Variants in ROBO2 observed in about 807,000 individuals in gnomAD.
ROBO2 encodes roundabout guidance receptor 2, also known as roundabout homolog 2.
Under a neutral mutation model 160.8 loss-of-function variants are expected in ROBO2, and 53 were observed. That is an observed-to-expected ratio of 0.33 (90% confidence interval 0.26 to 0.41). ROBO2 has a LOEUF of 0.41. Among genes scored for constraint, ROBO2 ranks in the 10% least tolerant of loss-of-function variants. The pLI is 1.00. For missense variants in ROBO2, 1,577 were observed against 1,722.4 expected (o/e 0.92, Z 1.49); for synonymous variants, 664 against 611.7 (o/e 1.09, Z -1.26).
At chr3:77,586,579 T>C (rs552138135) in intron 16 of ROBO2, among the ~76,000 whole-genome samples, 248 of 152,160 alleles carry the variant, frequency 1.6e-3, no homozygotes, top group Non-Finnish European at 2.9e-3. Context: ...ACTGACAACA[T>C]TGTTTCAAAA....
intron 2 of ROBO2, among the ~76,000 whole-genome samples, chr3:77,023,606 A>G (rs2062774619): frequency 6.6e-6 from 1 of 152,212 alleles, no homozygotes; most frequent in Non-Finnish European, 1.5e-5. Flanking sequence ...ATATTTTAGT[A>G]CTTTTAGAGT....
In ROBO2 at chr3:76,393,652, G is replaced by A. The variant is rs551451598; in HGVS notation, c.109+456050G>A. 3.9e-5 allele frequency among the ~76,000 whole-genome samples: 6 copies of A among 152,294 alleles called. No individual in the cohort carries two copies. The South Asian group carries it at 1.2e-3, about 32-fold the overall frequency. On this transcript the variant is annotated intron_variant, in intron 2 of 26. Transcript: ENST00000487694. ...AGGAAGGGACACAATAGTTGAACTT[G>A]ATAAGAGAAATGTGAAGGAAAAATT...
chr3:76,701,956 G>A (rs1472846169), intron 2 of ROBO2, among the ~76,000 whole-genome samples: 1 of 151,762 alleles, frequency 6.6e-6, no homozygotes, highest in East Asian at 1.9e-4. Flanking sequence ...AACAGGCTCA[G>A]AGTCATATGA....
At chr3:77,199,789 AT>A (rs903511776) in intron 2 of ROBO2, among the ~76,000 whole-genome samples, 46 of 119,572 alleles carry the variant, frequency 3.8e-4, no homozygotes, top group South Asian at 3.3e-3. Flanking sequence ...TACCTCGCTA[AT>A]TTTTTTTTTT....
At chr3:76,341,083 C>A (rs749620245) in intron 2 of ROBO2, among the ~76,000 whole-genome samples, 6 of 152,042 alleles carry the variant, frequency 3.9e-5, no homozygotes, top group Admixed American at 2.6e-4. Flanking sequence ...AATATTAGTT[C>A]ATTTTCCCCT....
At chr3:77,580,775 A>C (rs1440200195) in intron 16 of ROBO2, among the ~76,000 whole-genome samples, 2 of 152,150 alleles carry the variant, frequency 1.3e-5, no homozygotes, top group African/African-American at 4.8e-5. Context: ...AATTGTATGA[A>C]TATGCCATAT....
intron 9 of ROBO2, among the ~76,000 whole-genome samples, chr3:77,561,877 G>T (rs939724861): frequency 7.2e-5 from 11 of 152,072 alleles, no homozygotes; most frequent in African/African-American, 2.4e-4. Context: ...GCTGAGGCAG[G>T]CGGGTCACCT....
At chr3:76,787,328 C>CCACACACACA (rs60806662) in intron 2 of ROBO2, among the ~76,000 whole-genome samples, 14,692 of 142,102 alleles carry the variant, frequency 0.1, 986 homozygotes, top group Admixed American at 0.18. Context: ...TGTAAACACA[C>CCACACACACA]CACACACACA....
intron 2 of ROBO2, among the ~76,000 whole-genome samples, chr3:75,973,762 G>A (rs2065057893): frequency 6.6e-6 from 1 of 151,616 alleles, no homozygotes; most frequent in Non-Finnish European, 1.5e-5. Context: ...GTAGCAGAGG[G>A]AATGGGTGAT....
At chr3:77,387,382 A>C (rs7612094) in intron 2 of ROBO2, among the ~76,000 whole-genome samples, 1 of 150,746 alleles carries the variant, frequency 6.6e-6, no homozygotes, top group Non-Finnish European at 1.5e-5. Flanking sequence ...GAGAAGAAAA[A>C]AAGAACATCT....
At chr3:76,316,589 G>T (rs556739567) in intron 2 of ROBO2, among the ~76,000 whole-genome samples, 1 of 152,120 alleles carries the variant, frequency 6.6e-6, no homozygotes, top group East Asian at 1.9e-4. Context: ...CAATCAATTT[G>T]TACAGTAGAG....
chr3:77,625,487 C>T (rs1053697282), intron 23 of ROBO2, among the ~76,000 whole-genome samples: 5 of 151,912 alleles, frequency 3.3e-5, no homozygotes, highest in Non-Finnish European at 5.9e-5. Context: ...AAGCGATTCT[C>T]GTGCCTCAGC....
intron 2 of ROBO2, among the ~76,000 whole-genome samples, chr3:77,303,095 C>T (rs560316491): frequency 6.6e-6 from 1 of 152,236 alleles, no homozygotes; most frequent in South Asian, 2.1e-4. Context: ...CTACCAAATG[C>T]AAAGATAGAA....
intron 2 of ROBO2, among the ~76,000 whole-genome samples, chr3:76,866,657 T>C (rs754417866): frequency 1.3e-5 from 2 of 152,190 alleles, no homozygotes; most frequent in Non-Finnish European, 2.9e-5. Flanking sequence ...ATACACTTAA[T>C]TCTCAAAAAG....
intron 2 of ROBO2, among the ~76,000 whole-genome samples, chr3:77,137,384 G>A (rs1365402691): frequency 2.6e-5 from 4 of 152,106 alleles, no homozygotes; most frequent in Admixed American, 6.5e-5. Flanking sequence ...GCGCCACCAC[G>A]CCCAGCTAAT....
intron 2 of ROBO2, among the ~76,000 whole-genome samples, chr3:77,442,343 A>G (rs2080030570): frequency 6.6e-6 from 1 of 151,980 alleles, no homozygotes; most frequent in Non-Finnish European, 1.5e-5. Context: ...TACATTCATG[A>G]GTCATGTGTT....
intron 2 of ROBO2, among the ~76,000 whole-genome samples, chr3:76,058,696 C>T (rs1033381350): frequency 8.5e-5 from 12 of 140,998 alleles, no homozygotes; most frequent in African/African-American, 3.2e-4. Flanking sequence ...ATGTGCACAA[C>T]GTGCAGGTTT....
At chr3:75,915,309 T>C (rs1946766000) in intron 1 of ROBO2, among the ~76,000 whole-genome samples, 1 of 152,152 alleles carries the variant, frequency 6.6e-6, no homozygotes, top group African/African-American at 2.4e-5. Context: ...ATTCAAGAAT[T>C]ATGTAAAACC....
intron 12 of ROBO2, 117 bp from the exon 14 acceptor site, chr3:77,568,195 GT>G: frequency 9.8e-6 from 11 of 1,126,012 alleles, no homozygotes; most frequent in Non-Finnish European, 1.4e-5. Context: ...TCACAAGAGA[GT>G]TTTCGTTTTG....
Sources: gnomAD v4.1 joint callset for allele counts (sites outside exome capture counted in the v4.1 genomes callset) on GRCh38, gnomAD v4.1.1 for gene constraint, MANE v1.5 for transcripts, NCBI Gene and HGNC (gene_info 2026-07-23, HGNC 2026-07-21) for gene names.